The following HAUS5 variants were observed in gnomAD, a reference collection of about 807,000 sequenced individuals.
The protein encoded by HAUS5 is HAUS augmin like complex subunit 5.
Under a neutral mutation model 94.1 loss-of-function variants are expected in HAUS5, and 67 were observed. That is an observed-to-expected ratio of 0.71 (90% CI 0.58 to 0.87). The LOEUF (loss-of-function observed/expected upper bound fraction) is 0.87. Among genes scored for constraint, HAUS5 ranks in the 40% least tolerant of loss-of-function variants. The probability of loss-of-function intolerance (pLI) is 0.00; values close to 1 mark genes in which losing one functional copy is unlikely to be tolerated. For synonymous variants in HAUS5, 339 were observed against 355.4 expected, an observed-to-expected ratio of 0.95 and a Z score of 0.52; for missense variants, 739 against 825.6, an observed-to-expected ratio of 0.90 and a Z score of 1.29.
rs199712182 is a variant in HAUS5 at position 35,622,700 on chromosome 19, G to A, written c.1751G>A (p.Arg584Gln). 1.7e-5 allele frequency: 28 copies of A among 1,614,010 alleles called. No homozygotes were observed. Among genetic ancestry groups the A allele is most frequent in the Middle Eastern group, 1.6e-4 (1 of 6,084 alleles). ...LEKLLKQALERIPELQGIVGD... is the reference protein window; with the variant it reads ...LEKLLKQALEQIPELQGIVGD... ...AAGCTACTGAAACAGGCACTGGAGCGAATCCCTGAGCTGCAGGGGATCGTG... is the reference window on the plus strand; with the variant it reads ...AAGCTACTGAAACAGGCACTGGAGCAAATCCCTGAGCTGCAGGGGATCGTG... Residue 584 changes from arginine (R) to glutamine (Q), a missense_variant, in exon 18 of 19, where the codon CGA becomes CAA. Arg to Gln is a conservative substitution (Grantham distance 43). Transcript: ENST00000203166.
intron 8 of HAUS5, 145 bp downstream of exon 8, chr19:35,617,514 T>C: frequency 1.6e-6 from 1 of 629,760 alleles, no homozygotes; most frequent in South Asian, 1.9e-5. Flanking sequence ...GGAGACAGTC[T>C]CTCATCACAA....
chr19:35,613,671 AT>A, intron 1 of HAUS5, 58 bp from the exon 2 acceptor site: 1 of 1,494,634 alleles, frequency 6.7e-7, no homozygotes, highest in Non-Finnish European at 9.3e-7. Flanking sequence ...CACCCTAGGA[AT>A]GAGGATCCCA....
rs1365870596 is a variant in HAUS5 at position 35,618,191 on chromosome 19, T to G, written c.817T>G (p.Ser273Ala). The G allele has an allele frequency of 6.2e-7, 1 of 1,600,816 alleles. No individual in the cohort carries two copies. Among genetic ancestry groups the G allele is most frequent in the East Asian group, 2.2e-5 (1 of 44,678 alleles). The change falls in exon 10 of 19, where the codon TCC becomes GCC. Residue 273 changes from serine (S) to alanine (A), a missense_variant. By Grantham distance (99) the Ser-to-Ala change is moderately conservative. Coordinates refer to ENST00000203166, the MANE Select transcript of HAUS5 (RefSeq NM_015302.2). ...SGDGLGDTEI[S>A]RPQAPDQSDS... ...GGATGGGCTTGGCGACACAGAGATA[T>G]CCAGGTGTGGGGCAGGGTATTCTCA... is the stretch of plus-strand genomic sequence containing the variant.
At position 35,620,284 on chromosome 19, in the gene HAUS5, A is replaced by C. The variant is rs777522182; in HGVS notation, c.1608A>C (p.Leu536=). 6.2e-7 allele frequency: 1 copy of C among 1,612,438 alleles called. No individual in the cohort carries two copies. The highest frequency in any genetic ancestry group is 1.1e-5 in the South Asian group (1 of 90,988). The part of the protein sequence containing the change: ...QDQRSLWCWD[L]LHMKTSLPPG... The stretch of plus-strand genomic sequence containing the variant: ...AGCGGAGCCTCTGGTGCTGGGATCT[A>C]CTCCACATGAAGACCAGCCTGCCGC... Residue 536 remains leucine, a synonymous_variant, in exon 17 of 19, where the codon CTA becomes CTC. Coordinates refer to ENST00000203166, the MANE Select transcript of HAUS5 (RefSeq NM_015302.2).
At chr19:35,620,428 A>T in intron 17 of HAUS5, 101 bp downstream of exon 17, 1 of 1,053,418 alleles carries the variant, frequency 9.5e-7, no homozygotes, top group Non-Finnish European at 1.4e-6. Context: ...CGCAGTGCCC[A>T]TTGTGTGCTA....
At position 35,623,236 on chromosome 19, in the gene HAUS5, C is replaced by T. The variant is rs774454137; in HGVS notation, c.*243C>T. On this transcript the variant is annotated 3_prime_UTR_variant, in exon 19 of 19. Transcript: ENST00000203166. ...ATTCTCAGCAAAAAGTAATTGAGCA[C>T]CTCCTCTAGGCGCTGGGGAGTCCAC... The T allele has an allele frequency of 7.4e-5, 38 of 515,268 alleles. No individual in the cohort carries two copies. The highest frequency in any genetic ancestry group is 1.2e-4 in the Non-Finnish European group (35 of 289,294). 31.9% of individuals were successfully genotyped at this position (515,268 alleles called of 1,614,324 possible).
chr19:35,615,110 G>C lies in HAUS5; in HGVS notation c.288G>C (p.Gln96His). 1 of 1,609,600 alleles carries C rather than the reference G, an allele frequency of 6.2e-7. No homozygotes were observed. Among genetic ancestry groups the C allele is most frequent in the Non-Finnish European group, 8.5e-7 (1 of 1,177,892 alleles). The change falls in exon 5 of 19, where the codon CAG (glutamine) becomes CAC (histidine). Residue 96 changes from glutamine (Q) to histidine (H), a missense_variant. Gln to His is a conservative substitution (Grantham distance 24). Coordinates refer to ENST00000203166, the MANE Select transcript of HAUS5 (RefSeq NM_015302.2). ...RLRAEIQELDQSLELMERDTE... is the reference protein window; with the variant it reads ...RLRAEIQELDHSLELMERDTE... ...GGGCAGAAATCCAGGAACTCGACCAGAGCCTGGAGCTGATGGAGCGAGACA... is the reference window on the plus strand; with the variant it reads ...GGGCAGAAATCCAGGAACTCGACCACAGCCTGGAGCTGATGGAGCGAGACA...
At chr19:35,614,963 TGAG>T in intron 4 of HAUS5, 76 bp from the exon 5 acceptor site, 3 of 1,030,342 alleles carry the variant, frequency 2.9e-6, no homozygotes, top group Non-Finnish European at 2.9e-6. Context: ...TGCCACCAGT[TGAG>T]GAGCCTGGTA....
In HAUS5 at chr19:35,622,752, G is replaced by A. The variant is rs760252653; in HGVS notation, c.1784+19G>A. On this transcript the variant is annotated intron_variant, in intron 18 of 18. Transcript: ENST00000203166. ...GGGACTGGTGAGAGGGGAACGTGCC[G>A]CGGATGGGAAACAGAAAAGTCAGGA... The A allele has an allele frequency of 1.8e-5, 29 of 1,613,776 alleles. No homozygotes were observed. Among genetic ancestry groups the A allele is most frequent in the Admixed American group, 6.7e-5 (4 of 59,996 alleles).
chr19:35,619,087 G>A (rs750731215), intron 13 of HAUS5, 38 bp downstream of exon 13: 17 of 1,518,986 alleles, frequency 1.1e-5, no homozygotes, highest in Admixed American at 2.1e-5. Flanking sequence ...GAGGGCCAGA[G>A]GGGAGGCTTG....
At chr19:35,618,272 C>T in intron 10 of HAUS5, 77 bp downstream of exon 10, 1 of 1,600,464 alleles carries the variant, frequency 6.2e-7, no homozygotes, top group Non-Finnish European at 8.5e-7. Flanking sequence ...GACCCCTGGC[C>T]CAGCCACCTG....
At chr19:35,615,808 G>A (rs190065235) in intron 6 of HAUS5, among the ~76,000 whole-genome samples, 83 of 152,300 alleles carry the variant, frequency 5.4e-4, no homozygotes, top group Middle Eastern at 6.8e-3. Flanking sequence ...ACATTGAGTT[G>A]GAAGAGGAAT....
In HAUS5 at chr19:35,624,443, C is replaced by CTTTTCTTTTTCT. The variant is rs147428237; in HGVS notation, c.*1453_*1464dup. 5 of 150,112 alleles carry CTTTTCTTTTTCT rather than the reference C, an allele frequency of 3.3e-5. No homozygotes were observed. The Admixed American group carries it at 3.3e-4, about 10-fold the overall frequency. The allele number at this position is 150,112 out of a possible 1,614,324, so 9.3% of individuals were successfully genotyped here. ...TGAAATGGCTGGATTCTCTTAGGTG[C>CTTTTCTTTTTCT]TTTTCTTTTTCTTTCTTTCTTTCTT... On this transcript the variant is annotated 3_prime_UTR_variant, in exon 19 of 19. Coordinates refer to ENST00000203166, the MANE Select transcript of HAUS5 (RefSeq NM_015302.2).
Position 35,618,634 on chromosome 19 carries a change from C to A in HAUS5, c.951C>A (p.Val317=). The A allele has an allele frequency of 6.2e-7, 1 of 1,608,194 alleles. No homozygotes were observed. The highest frequency in any genetic ancestry group is 8.5e-7 in the Non-Finnish European group (1 of 1,175,482). The change falls in exon 12 of 19, where the codon GTC becomes GTA. Residue 317 remains valine, a synonymous_variant. Transcript: ENST00000203166. ...QRSTLLKERQ[V]LTQRLQGLVE... ...GCACCCTCCTGAAGGAGCGGCAAGT[C>A]TTGACCCAGCGCCTCCAGGGCCTGG...
chr19:35,618,913 G>A lies in HAUS5; in HGVS notation c.1043G>A (p.Arg348His), dbSNP rs747278002. The part of the protein sequence containing the change: ...ERQVLILGLR[R>H]CCLWTELKAL... ...CAGGTGCTGATACTGGGGCTTCGGC[G>A]CTGTTGCCTGTGGACGGAGCTCAAG... Residue 348 changes from arginine (R) to histidine (H), a missense_variant, in exon 13 of 19, where the codon CGC becomes CAC. Arg to His is a conservative substitution (Grantham distance 29). Transcript: ENST00000203166. The A allele has an allele frequency of 5.6e-6, 9 of 1,611,202 alleles. No homozygotes were observed. Among genetic ancestry groups the A allele is most frequent in the African/African-American group, 1.3e-5 (1 of 74,802 alleles).
At chr19:35,613,537 A>G (rs1177621236) in intron 1 of HAUS5, 193 bp from the exon 2 acceptor site, 16 of 591,932 alleles carry the variant, frequency 2.7e-5, no homozygotes, top group Non-Finnish European at 4.8e-5. Flanking sequence ...AGGAGCTATG[A>G]TCGTACCACT....
In HAUS5 at chr19:35,618,178, C is replaced by A. The variant is rs371262335; in HGVS notation, c.804C>A (p.Gly268=). 4.4e-6 allele frequency: 7 copies of A among 1,603,094 alleles called. No individual in the cohort carries two copies. The East Asian group carries it at 1.6e-4, about 36-fold the overall frequency. Reference sequence around the variant, plus strand: ...CCCTGTGCAGTGGGGATGGGCTTGGCGACACAGAGATATCCAGGTGTGGGG... The same window carrying A: ...CCCTGTGCAGTGGGGATGGGCTTGGAGACACAGAGATATCCAGGTGTGGGG... ...IRSLCSGDGL[G]DTEISRPQAP... is the part of the protein sequence containing the mutation. Residue 268 remains glycine (G), a synonymous_variant, in exon 10 of 19, where the codon GGC becomes GGA. Transcript: ENST00000203166.
chr19:35,623,105 C>A lies in HAUS5; in HGVS notation c.*112C>A. ...CAGGATTCCTCGGCAGTCGTCCCCA[C>A]CCGCACCTGCAGTCCCCTCATGTGC... On this transcript the variant is annotated 3_prime_UTR_variant, in exon 19 of 19. Transcript: ENST00000203166. 1.4e-6 allele frequency: 1 copy of A among 729,320 alleles called. No individual in the cohort carries two copies. 45.2% of individuals were successfully genotyped at this position (729,320 alleles called of 1,614,324 possible).
rs568644899 is a variant in HAUS5 at position 35,619,145 on chromosome 19, C to T, written c.1179+96C>T. On this transcript the variant is annotated intron_variant, in intron 13 of 18. Coordinates refer to ENST00000203166, the MANE Select transcript of HAUS5 (RefSeq NM_015302.2). ...CCTGAGCCCTGTGTGGTAGCACATG[C>T]CTGTGGTTCCAGCACTTTGGGAGGC... 95 of 1,285,036 alleles carry T rather than the reference C, an allele frequency of 7.4e-5. No homozygotes were observed. In the African/African-American group the frequency reaches 1.3e-3, roughly 18 times the overall value. 79.6% of individuals were successfully genotyped at this position (1,285,036 alleles called of 1,614,324 possible).
Sources: gnomAD v4.1 joint callset for allele counts (sites outside exome capture counted in the v4.1 genomes callset) on GRCh38, gnomAD v4.1.1 for gene constraint, MANE v1.5 for transcripts, NCBI Gene and HGNC (gene_info 2026-07-23, HGNC 2026-07-21) for gene names.